SLC66A3: variants seen among roughly 807,000 people sequenced by gnomAD.
The protein encoded by SLC66A3 is solute carrier family 66 member 3.
In SLC66A3, 23 loss-of-function variants were observed where a neutral mutation model predicts 25.5. That is an observed-to-expected ratio of 0.90 (90% confidence interval 0.65 to 1.28). SLC66A3 has a LOEUF of 1.28. SLC66A3 is among the 50% of genes most tolerant of loss of function. SLC66A3 has a pLI of 0.00. For missense variants in SLC66A3, 246 were observed against 262.1 expected (o/e 0.94, Z 0.42); for synonymous variants, 108 against 112.6 (o/e 0.96, Z 0.26).
chr2:11,177,900 T>G lies in SLC66A3; in HGVS notation c.*72T>G, dbSNP rs1247956006. 2 of 906,284 alleles carry G rather than the reference T, an allele frequency of 2.2e-6. No homozygotes were observed. Among genetic ancestry groups the G allele is most frequent in the Non-Finnish European group, 1.7e-6 (1 of 576,144 alleles). The allele number at this position is 906,284 out of a possible 1,614,324, so 56.1% of individuals were successfully genotyped here. ...AAGGAAAAAGAAGCTCTTTGCTAAA[T>G]TAAGGTCTTTTATAAATTTAGTAAA... On this transcript the variant is annotated 3_prime_UTR_variant, in exon 7 of 7. Transcript: ENST00000295083.
At position 11,172,027 on chromosome 2, in the gene SLC66A3, T is replaced by C. The variant is rs1220507785; in HGVS notation, c.457T>C (p.Ser153Pro). Residue 153 changes from serine (S) to proline (P), a missense_variant, in exon 5 of 7, where the codon TCT becomes CCT. By Grantham distance (74) the Ser-to-Pro change is moderately conservative. Coordinates refer to ENST00000295083, the MANE Select transcript of SLC66A3 (RefSeq NM_152391.5). ...GTVSALTWSL[S>P]SYTCATRIIT... The stretch of plus-strand genomic sequence containing the variant: ...TGTGAGTGCGCTGACTTGGAGCCTC[T>C]CTTCCTATACCTGTGCAAGTAAGAA... 1 of 1,613,960 alleles carries C rather than the reference T, an allele frequency of 6.2e-7. No homozygotes were observed. The highest frequency in any genetic ancestry group is 1.7e-5 in the Admixed American group (1 of 59,990).
rs773159568 is a variant in SLC66A3, at chr2:11,177,811, G to C, written c.592G>C (p.Ala198Pro). The change falls in exon 7 of 7, where the codon GCT becomes CCT. Residue 198 changes from alanine to proline, a missense_variant. This residue lies in a region of SLC66A3 where 93 missense variants were observed against 102.6 expected (regional missense o/e 0.91). Coordinates refer to ENST00000295083, the MANE Select transcript of SLC66A3 (RefSeq NM_152391.5). ...TVTVLRYRKT[A>P]IKAE is the part of the protein sequence containing the mutation. ...GACAGTACTTCGCTACCGGAAGACC[G>C]CTATAAAGGCTGAATGATGGATACA... 3 of 1,599,944 alleles carry C rather than the reference G, an allele frequency of 1.9e-6. No individual in the cohort carries two copies. Among genetic ancestry groups the C allele is most frequent in the Non-Finnish European group, 1.7e-6 (2 of 1,167,936 alleles).
At chr2:11,158,753 G>A (rs1661999739) in intron 1 of SLC66A3, among the ~76,000 whole-genome samples, 2 of 152,010 alleles carry the variant, frequency 1.3e-5, no homozygotes, top group Admixed American at 6.6e-5. Flanking sequence ...CCGGGAGGTG[G>A]AGGTTGCAGT....
intron 1 of SLC66A3, among the ~76,000 whole-genome samples, chr2:11,156,790 G>A (rs1486793350): frequency 2.0e-5 from 3 of 152,112 alleles, no homozygotes; most frequent in East Asian, 1.9e-4. Flanking sequence ...GGAGGGGGGG[G>A]TCCCAGGCTG....
chr2:11,156,447 TGGCCA>T (rs1661904585), intron 1 of SLC66A3, among the ~76,000 whole-genome samples: 1 of 152,154 alleles, frequency 6.6e-6, no homozygotes, highest in African/African-American at 2.4e-5. Context: ...CCCTTCCCCC[TGGCCA>T]GGCCAGGCCT....
Position 11,160,205 on chromosome 2 carries a change from C to T in SLC66A3, c.144-261C>T, listed in dbSNP as rs528144562. On this transcript the variant is annotated intron_variant, in intron 1 of 6. Transcript: ENST00000295083. ...GCCTTCTGTAAAAATCCTTTGTAAG[C>T]GACCATCTCAAGGCACTCTATAGAG... 125 of 545,178 alleles carry T rather than the reference C, an allele frequency of 2.3e-4. 1 individual carries two copies. In the Admixed American group the frequency reaches 3.7e-3, roughly 16 times the overall value. The allele number at this position is 545,178 out of a possible 1,614,324, so 33.8% of individuals were successfully genotyped here.
chr2:11,178,009 GCCT>G lies in SLC66A3; in HGVS notation c.*188_*190del, dbSNP rs1558262997. 3.5e-6 allele frequency: 2 copies of G among 566,052 alleles called. No homozygotes were observed. The highest frequency in any genetic ancestry group is 1.9e-5 in the African/African-American group (1 of 52,666). 35.1% of individuals were successfully genotyped at this position (566,052 alleles called of 1,614,324 possible). A position where few individuals can be genotyped will look rare whatever the true frequency, so the allele number is the denominator to read the frequency against. On this transcript the variant is annotated 3_prime_UTR_variant, in exon 7 of 7. Coordinates refer to ENST00000295083, the MANE Select transcript of SLC66A3 (RefSeq NM_152391.5). ...AATTCTTGTTTAAAAATACCAATTT[GCCT>G]CCTCCTTCCTCACTTCGTTAGGTTA...
At chr2:11,171,669 T>C (rs954296458) in intron 4 of SLC66A3, among the ~76,000 whole-genome samples, 7 of 151,960 alleles carry the variant, frequency 4.6e-5, no homozygotes, top group Admixed American at 2.0e-4. Flanking sequence ...CCCGGGTTCA[T>C]GCCATTCTCC....
intron 1 of SLC66A3, among the ~76,000 whole-genome samples, chr2:11,158,163 G>T (rs147465189): frequency 6.6e-6 from 1 of 152,222 alleles, no homozygotes; most frequent in Non-Finnish European, 1.5e-5. Context: ...ATGGGGCTGT[G>T]TCAGATGCCC....
intron 1 of SLC66A3, among the ~76,000 whole-genome samples, chr2:11,159,348 G>A (rs974535703): frequency 2.6e-5 from 4 of 152,154 alleles, no homozygotes; most frequent in Non-Finnish European, 2.9e-5. Flanking sequence ...CAGAGGCACC[G>A]CTTGTCCCTG....
At chr2:11,162,501 GGC>G (rs1662163285) in intron 3 of SLC66A3, among the ~76,000 whole-genome samples, 2 of 152,226 alleles carry the variant, frequency 1.3e-5, no homozygotes, top group Non-Finnish European at 2.9e-5. Flanking sequence ...GGATGCTGAT[GGC>G]GAGTCTGTAG....
intron 6 of SLC66A3, 56 bp from the exon 7 acceptor site, chr2:11,177,681 T>C (rs1662809264): frequency 6.7e-6 from 7 of 1,043,536 alleles, no homozygotes; most frequent in South Asian, 6.7e-5. Context: ...GAGCAGGAGG[T>C]GGTTTTGGTC....
intron 4 of SLC66A3, among the ~76,000 whole-genome samples, chr2:11,170,515 C>T (rs190072006): frequency 4.6e-4 from 59 of 129,372 alleles, no homozygotes; most frequent in Admixed American, 1.5e-3. Context: ...TGAGGTGCCG[C>T]GGCTTGCTGC....
chr2:11,158,432 G>A (rs1053090346), intron 1 of SLC66A3, among the ~76,000 whole-genome samples: 1 of 152,220 alleles, frequency 6.6e-6, no homozygotes, highest in African/African-American at 2.4e-5. Flanking sequence ...GGAGGCCCAG[G>A]CCGGCGGATC....
intron 1 of SLC66A3, among the ~76,000 whole-genome samples, chr2:11,158,667 AAAG>A (rs764579061): frequency 1.3e-5 from 2 of 152,134 alleles, no homozygotes; most frequent in African/African-American, 4.8e-5. Flanking sequence ...GCCTCAAAAA[AAAG>A]AAATTAGCCA....
At chr2:11,163,408 C>T (rs1043198780) in intron 3 of SLC66A3, among the ~76,000 whole-genome samples, 1 of 152,208 alleles carries the variant, frequency 6.6e-6, no homozygotes, top group Admixed American at 6.5e-5. Flanking sequence ...TTCGAGCTAC[C>T]TTCTGGTGTT....
intron 5 of SLC66A3, among the ~76,000 whole-genome samples, chr2:11,173,010 ACGC>A (rs1400478841): frequency 6.6e-6 from 1 of 152,054 alleles, no homozygotes; most frequent in Non-Finnish European, 1.5e-5. Context: ...TTACAGGCAC[ACGC>A]CACCATGCCT....
intron 5 of SLC66A3, among the ~76,000 whole-genome samples, chr2:11,174,460 T>A (rs1662661745): frequency 6.6e-6 from 1 of 152,162 alleles, no homozygotes; most frequent in Admixed American, 6.5e-5. Context: ...TCAAAACCAT[T>A]GGGCCATTGG....
At chr2:11,160,953 C>G (rs1662105030) in intron 3 of SLC66A3, 1 of 582,514 alleles carries the variant, frequency 1.7e-6, no homozygotes, top group South Asian at 2.1e-5. Context: ...TCCACCCCTG[C>G]TAAGAGCAGC....
Sources: gnomAD v4.1 joint callset for allele counts (sites outside exome capture counted in the v4.1 genomes callset) on GRCh38, gnomAD v4.1.1 for gene constraint, gnomAD v4.1.1 regional missense constraint, MANE v1.5 for transcripts, NCBI Gene and HGNC (gene_info 2026-07-23, HGNC 2026-07-21) for gene names.